SOX5: variants seen among roughly 807,000 people sequenced by gnomAD.
SOX5 encodes the protein SRY-box transcription factor 5, also known as transcription factor SOX-5.
SOX5 carries 9 observed loss-of-function variants against 92.0 expected under a neutral mutation model. The observed-to-expected ratio is 0.10, with a 90% CI of 0.06 to 0.17. The LOEUF is 0.17. Among genes scored for constraint, SOX5 ranks in the 10% least tolerant of loss-of-function variants. The pLI is 1.00. For missense variants in SOX5, 642 were observed against 944.5 expected (o/e 0.68, Z 4.20); for synonymous variants, 344 against 336.3 (o/e 1.02, Z -0.25).
At chr12:24,359,946 T>C (rs915466826) in intron 2 of SOX5, among the ~76,000 whole-genome samples, 1 of 151,940 alleles carries the variant, frequency 6.6e-6, no homozygotes, top group African/African-American at 2.4e-5. Flanking sequence ...GGAATAAAGG[T>C]CATAGGGAGA....
intron 3 of SOX5, among the ~76,000 whole-genome samples, chr12:23,792,062 C>T (rs1254795395): frequency 1.3e-5 from 2 of 151,740 alleles, no homozygotes; most frequent in South Asian, 2.1e-4. Context: ...TAAATAGTAT[C>T]TAAGTTTTCA....
At chr12:24,173,167 C>T (rs1270166795) in intron 4 of SOX5, among the ~76,000 whole-genome samples, 2 of 152,208 alleles carry the variant, frequency 1.3e-5, no homozygotes, top group South Asian at 2.1e-4. Context: ...CCCACCCTCT[C>T]GCACATGTGT....
At chr12:24,506,191 T>A (rs1473040976) in intron 1 of SOX5, among the ~76,000 whole-genome samples, 2 of 152,146 alleles carry the variant, frequency 1.3e-5, no homozygotes, top group South Asian at 2.1e-4. Context: ...GTTACATTTT[T>A]AAAAAATATT....
chr12:23,780,166 GTAAAA>G (rs1182446537), intron 3 of SOX5, among the ~76,000 whole-genome samples: 1 of 151,822 alleles, frequency 6.6e-6, no homozygotes, highest in Non-Finnish European at 1.5e-5. Flanking sequence ...TGTACTAGAG[GTAAAA>G]TGTCTAATAA....
In SOX5 at chr12:24,192,069, C is replaced by T. The variant is rs75205626; in HGVS notation, c.-2+21274G>A. ...TTTACTTTACAAGGTATAGTATTTG[C>T]TACCATTTAGTTAAAACTTTGTAAG... On this transcript the variant is annotated intron_variant, in intron 4 of 4. Transcript: ENST00000446891. Among the ~76,000 whole-genome samples, 200 of 152,252 alleles carry T rather than the reference C, an allele frequency of 1.3e-3. 1 individual carries two copies. Among genetic ancestry groups the T allele is most frequent in the African/African-American group, 4.6e-3 (192 of 41,532 alleles).
intron 11 of SOX5, among the ~76,000 whole-genome samples, chr12:23,552,041 G>A (rs894411551): frequency 5.9e-5 from 9 of 151,796 alleles, no homozygotes; most frequent in African/African-American, 2.2e-4. Flanking sequence ...TGAGAGTTTT[G>A]GTCCAGGTGA....
At chr12:24,419,271 G>A (rs1452247917) in intron 1 of SOX5, among the ~76,000 whole-genome samples, 2 of 152,116 alleles carry the variant, frequency 1.3e-5, no homozygotes, top group African/African-American at 4.8e-5. Context: ...CCAAGTAGCT[G>A]AGATTACAGG....
intron 4 of SOX5, among the ~76,000 whole-genome samples, chr12:24,086,408 C>T (rs1193738040): frequency 6.6e-6 from 1 of 151,648 alleles, no homozygotes; most frequent in Non-Finnish European, 1.5e-5. Flanking sequence ...AATCTATTTG[C>T]TAGTTTTTAA....
At chr12:23,872,124 A>AGTAGCT (rs2096880012) in intron 2 of SOX5, among the ~76,000 whole-genome samples, 1 of 141,444 alleles carries the variant, frequency 7.1e-6, no homozygotes, top group Non-Finnish European at 1.5e-5. Flanking sequence ...CAGCCTCCCG[A>AGTAGCT]GTAGCTGGGA....
chr12:23,540,579 C>A (rs1024638837), intron 13 of SOX5, among the ~76,000 whole-genome samples: 1 of 152,100 alleles, frequency 6.6e-6, no homozygotes, highest in Admixed American at 6.5e-5. Context: ...ATTGTCATCT[C>A]CGTGGGGTCT....
At chr12:23,726,633 G>A (rs1157273637) in intron 6 of SOX5, among the ~76,000 whole-genome samples, 2 of 152,062 alleles carry the variant, frequency 1.3e-5, no homozygotes, top group Admixed American at 6.6e-5. Context: ...AGCAATGATA[G>A]TCCCTATTTT....
intron 4 of SOX5, among the ~76,000 whole-genome samples, chr12:24,146,143 C>A (rs974594780): frequency 1.3e-5 from 2 of 152,112 alleles, no homozygotes; most frequent in African/African-American, 4.8e-5. Flanking sequence ...TTTGAACTAA[C>A]TGGCATTGGT....
In SOX5 at chr12:24,026,870, A is replaced by T. The variant is rs16926991; in HGVS notation, c.-1-130846T>A. Among the ~76,000 whole-genome samples, 1,237 of 152,132 alleles carry T rather than the reference A, an allele frequency of 8.1e-3. 20 individuals are homozygous for T. The highest frequency in any genetic ancestry group is 0.029 in the African/African-American group (1,189 of 41,546). ...TATAAAATCTGAGGCCACAGTAGTA[A>T]TGAAGCATTTAAGAAAGATTTATAA... is the stretch of plus-strand genomic sequence containing the variant. On this transcript the variant is annotated intron_variant, in intron 4 of 4. Transcript: ENST00000446891.
intron 3 of SOX5, among the ~76,000 whole-genome samples, chr12:23,768,189 C>T (rs2094802675): frequency 6.6e-6 from 1 of 152,078 alleles, no homozygotes; most frequent in South Asian, 2.1e-4. Context: ...TATTTCATCT[C>T]AAAGGGATGG....
At chr12:23,684,332 C>G (rs975877421) in intron 6 of SOX5, among the ~76,000 whole-genome samples, 1 of 151,978 alleles carries the variant, frequency 6.6e-6, no homozygotes, top group Non-Finnish European at 1.5e-5. Flanking sequence ...AACCACAGAA[C>G]AATTTCTCAA....
chr12:24,041,798 C>G, intron 4 of SOX5, among the ~76,000 whole-genome samples: 1 of 152,070 alleles, frequency 6.6e-6, no homozygotes, highest in South Asian at 2.1e-4. Flanking sequence ...TTGTCCCTGG[C>G]TACAAAAACT....
chr12:23,753,628 T>A lies in SOX5; in HGVS notation c.568+2010A>T, dbSNP rs183340333. ...TCAACTAAACAAGTATACGAGAGCA[T>A]AAGACTTACATCTTTATTTGCCTCA... On this transcript the variant is annotated intron_variant, in intron 4 of 14. Coordinates refer to ENST00000451604, the MANE Select transcript of SOX5 (RefSeq NM_006940.6). Among the ~76,000 whole-genome samples, 197 of 151,974 alleles carry A rather than the reference T, an allele frequency of 1.3e-3. 3 individuals carry two copies. Among genetic ancestry groups the A allele is most frequent in the Admixed American group, 0.013 (193 of 15,202 alleles).
intron 4 of SOX5, among the ~76,000 whole-genome samples, chr12:24,066,015 G>C (rs1181665280): frequency 1.3e-5 from 2 of 151,938 alleles, no homozygotes; most frequent in African/African-American, 4.8e-5. Context: ...TTTCATTTGG[G>C]AAATATTTTA....
At chr12:23,700,564 A>G (rs1179216338) in intron 6 of SOX5, among the ~76,000 whole-genome samples, 1 of 152,066 alleles carries the variant, frequency 6.6e-6, no homozygotes, top group African/African-American at 2.4e-5. Context: ...GGGAAGCAAA[A>G]GCTGACCATA....
Sources: gnomAD v4.1 joint callset for allele counts (sites outside exome capture counted in the v4.1 genomes callset) on GRCh38, gnomAD v4.1.1 for gene constraint, MANE v1.5 for transcripts, NCBI Gene and HGNC (gene_info 2026-07-23, HGNC 2026-07-21) for gene names.